Variants in SEMA6A observed in about 807,000 individuals in gnomAD.
The protein encoded by SEMA6A is semaphorin-6A.
In SEMA6A, 25 loss-of-function variants were observed where a neutral mutation model predicts 96.8. That is an observed-to-expected ratio of 0.26 (90% CI 0.19 to 0.36). The LOEUF is 0.36. SEMA6A is among the 10% of genes least tolerant of loss of function. The probability of loss-of-function intolerance (pLI) is 1.00; values close to 1 mark genes in which losing one functional copy is unlikely to be tolerated. For missense variants in SEMA6A, 1,363 were observed against 1,323.1 expected, an observed-to-expected ratio of 1.03 and a Z score of -0.47; for synonymous variants, 612 against 518.0, an observed-to-expected ratio of 1.18 and a Z score of -2.46.
chr5:116,529,158 C>G (rs545395837), intron 1 of SEMA6A, among the ~76,000 whole-genome samples: 2 of 151,850 alleles, frequency 1.3e-5, no homozygotes, highest in Non-Finnish European at 2.9e-5. Context: ...TAGGGATTAA[C>G]CAAATATTTT....
At chr5:116,497,176 A>T (rs1379241897) in intron 4 of SEMA6A, 151 bp downstream of exon 4, 1 of 560,734 alleles carries the variant, frequency 1.8e-6, no homozygotes, top group African/African-American at 1.9e-5. Flanking sequence ...TCAAATCCTA[A>T]CCTATTCCCT....
At chr5:116,502,500 C>G (rs1357766844) in intron 2 of SEMA6A, 173 bp from the exon 3 acceptor site, 3 of 588,738 alleles carry the variant, frequency 5.1e-6, no homozygotes, top group Non-Finnish European at 9.1e-6. Flanking sequence ...TAGAAGAGTG[C>G]TCCTTAAGGT....
chr5:116,511,914 A>G (rs1758423349), intron 1 of SEMA6A, among the ~76,000 whole-genome samples: 1 of 152,238 alleles, frequency 6.6e-6, no homozygotes, highest in Admixed American at 6.5e-5. Context: ...AGTAGCTGAT[A>G]GGATAAACAG....
rs564000585 is a variant in SEMA6A, at chr5:116,476,674, G to C, written c.1650-1071C>G. Among the ~76,000 whole-genome samples the C allele has an allele frequency of 2.0e-5, 3 of 152,266 alleles. No individual in the cohort carries two copies. In the East Asian group the frequency reaches 5.8e-4, roughly 29 times the overall value. ...CTTAACAATAATTTTTTAAAATTCAGTCTTATAGCCTTCGGTCACATGTTG... is the reference window on the plus strand; with the variant it reads ...CTTAACAATAATTTTTTAAAATTCACTCTTATAGCCTTCGGTCACATGTTG... On this transcript the variant is annotated intron_variant, in intron 15 of 18. Coordinates refer to ENST00000343348, the MANE Select transcript of SEMA6A (RefSeq NM_020796.5).
At chr5:116,572,809 G>A (rs1307014303) in intron 1 of SEMA6A, among the ~76,000 whole-genome samples, 2 of 152,186 alleles carry the variant, frequency 1.3e-5, no homozygotes, top group East Asian at 1.9e-4. Context: ...TCCAGGTCCG[G>A]CTTCCCTCAG....
At chr5:116,480,790 T>C (rs1005963211) in intron 11 of SEMA6A, among the ~76,000 whole-genome samples, 2 of 152,196 alleles carry the variant, frequency 1.3e-5, no homozygotes, top group Admixed American at 6.5e-5. Context: ...GAGAACATTT[T>C]GGTTTTGTTT....
chr5:116,447,271 A>C lies in SEMA6A; in HGVS notation c.2435T>G (p.Ile812Ser). 6.2e-7 allele frequency: 1 copy of C among 1,613,810 alleles called. No homozygotes were observed. Among genetic ancestry groups the C allele is most frequent in the Non-Finnish European group, 8.5e-7 (1 of 1,179,878 alleles). Residue 812 changes from isoleucine to serine, a missense_variant, in exon 19 of 19, where the codon ATC (isoleucine) becomes AGC (serine). Ile to Ser is a moderately radical substitution (Grantham distance 142). This residue lies in a region of SEMA6A where 883 missense variants were observed against 763.6 expected (regional missense o/e 1.16). Transcript: ENST00000343348. ...DLPLRASPSH[I>S]PSVVVLPITQ... ...GATGGGCAGGACCACCACGCTGGGG[A>C]TGTGGCTGGGGGAGGCCCGCAGGGG...
chr5:116,505,461 A>G (rs1011158912), intron 1 of SEMA6A, among the ~76,000 whole-genome samples: 27 of 126,990 alleles, frequency 2.1e-4, no homozygotes, highest in African/African-American at 2.6e-4. Context: ...ACGCACGCGC[A>G]CACACACACA....
rs1320293989 is a variant in SEMA6A, at chr5:116,444,396, A to G, written c.*2217T>C. On this transcript the variant is annotated 3_prime_UTR_variant, in exon 19 of 19. Coordinates refer to ENST00000343348, the MANE Select transcript of SEMA6A (RefSeq NM_020796.5). ...CTCCACTTTTTCACTATCCAACTCA[A>G]AACTGTCATTGTCAGTCTTTTTTTG... 14 of 152,338 alleles carry G rather than the reference A, an allele frequency of 9.2e-5. 2 individuals are homozygous for G. In the South Asian group the frequency reaches 2.7e-3, roughly 29 times the overall value. 9.4% of individuals were successfully genotyped at this position (152,338 alleles called of 1,614,324 possible).
At chr5:116,556,376 C>G (rs1288235849) in intron 1 of SEMA6A, among the ~76,000 whole-genome samples, 2 of 152,124 alleles carry the variant, frequency 1.3e-5, no homozygotes, top group African/African-American at 4.8e-5. Context: ...TGTCAAGAAC[C>G]CATATCCTGC....
At chr5:116,467,541 C>T (rs570889049) in intron 18 of SEMA6A, 42 bp downstream of exon 18, 27 of 1,566,136 alleles carry the variant, frequency 1.7e-5, no homozygotes, top group Non-Finnish European at 2.2e-5. Context: ...CCACTTTTCC[C>T]TCCCTCTCCC....
chr5:116,499,208 A>G (rs115428283), intron 3 of SEMA6A: 34 of 152,328 alleles, frequency 2.2e-4, no homozygotes, highest in African/African-American at 7.9e-4. Flanking sequence ...ACATGGCCCT[A>G]GCAAATAAAA....
intron 1 of SEMA6A, chr5:116,550,219 G>T (rs1000844870): frequency 6.6e-6 from 1 of 151,982 alleles, no homozygotes; most frequent in Non-Finnish European, 1.5e-5. Flanking sequence ...AGCATCCTTG[G>T]TTTTTATTTT....
At chr5:116,513,139 T>TC (rs1554088947) in intron 1 of SEMA6A, among the ~76,000 whole-genome samples, 58 of 151,698 alleles carry the variant, frequency 3.8e-4, no homozygotes, top group Admixed American at 7.2e-4. Context: ...TTTTTTTTTT[T>TC]CCCCCGCGAC....
rs1580426098 is a variant in SEMA6A, at chr5:116,444,384, C to G, written c.*2229G>C. 2 of 152,312 alleles carry G rather than the reference C, an allele frequency of 1.3e-5. No homozygotes were observed. The highest frequency in any genetic ancestry group is 6.8e-3 in the Middle Eastern group (2 of 294). 9.4% of individuals were successfully genotyped at this position (152,312 alleles called of 1,614,324 possible). ...TGATTATGGAGGCTCCACTTTTTCA[C>G]TATCCAACTCAAAACTGTCATTGTC... On this transcript the variant is annotated 3_prime_UTR_variant, in exon 19 of 19. Transcript: ENST00000343348.
chr5:116,467,759 A>G lies in SEMA6A; in HGVS notation c.1730-12T>C. ...GGAACTGGAATGCCCTGTTTTCATC[A>G]CAAATACAGTTAGGAAAACATCACC... is the stretch of plus-strand genomic sequence containing the variant. On this transcript the variant is annotated splice_polypyrimidine_tract_variant and intron_variant, in intron 17 of 18. Transcript: ENST00000343348. 6.2e-7 allele frequency: 1 copy of G among 1,613,218 alleles called. No homozygotes were observed. Among genetic ancestry groups the G allele is most frequent in the East Asian group, 2.2e-5 (1 of 44,836 alleles).
rs1248369822 is a variant in SEMA6A at position 116,504,874 on chromosome 5, G to A, written c.71C>T (p.Ser24Phe). The change falls in exon 2 of 19, where the codon TCT (serine) becomes TTT (phenylalanine). Residue 24 changes from serine (S) to phenylalanine (F), a missense_variant. Coordinates refer to ENST00000343348, the MANE Select transcript of SEMA6A (RefSeq NM_020796.5). The part of the protein sequence containing the change: ...HFAGAGFPED[S>F]EPISISHGNY... ...GCCATGCGAAATACTGATTGGCTCA[G>A]AATCTTCTGGGAAACCAGCCCCAGC... 1.2e-6 allele frequency: 2 copies of A among 1,602,402 alleles called. No homozygotes were observed. The highest frequency in any genetic ancestry group is 1.7e-5 in the Admixed American group (1 of 58,846).
chr5:116,553,485 C>T (rs1431925796), intron 1 of SEMA6A, among the ~76,000 whole-genome samples: 1 of 152,176 alleles, frequency 6.6e-6, no homozygotes, highest in East Asian at 1.9e-4. Context: ...TTGCCTGCCA[C>T]AGGACTGTGT....
intron 1 of SEMA6A, among the ~76,000 whole-genome samples, chr5:116,534,844 G>T (rs747001529): frequency 1.6e-4 from 25 of 152,044 alleles, no homozygotes; most frequent in Non-Finnish European, 3.2e-4. Flanking sequence ...AACAGATGAA[G>T]ACTTTATACT....
Sources: allele counts gnomAD v4.1 joint callset (sites outside exome capture counted in the v4.1 genomes callset), GRCh38; gene constraint gnomAD v4.1.1; regional missense constraint gnomAD v4.1.1; transcripts MANE v1.5; gene names NCBI Gene and HGNC (gene_info 2026-07-23, HGNC 2026-07-21).